Variants in RBFOX1 observed in about 807,000 individuals in gnomAD.
RBFOX1 encodes RNA binding protein fox-1 homolog 1.
Under a neutral mutation model 57.7 loss-of-function variants are expected in RBFOX1, and 8 were observed. The observed-to-expected ratio is 0.14, with a 90% CI of 0.08 to 0.25. The LOEUF (loss-of-function observed/expected upper bound fraction) is 0.25. RBFOX1 is among the 10% of genes least tolerant of loss of function. RBFOX1 has a pLI of 1.00. For missense variants in RBFOX1, 611 were observed against 548.5 expected, an observed-to-expected ratio of 1.11 and a Z score of -1.14; for synonymous variants, 326 against 222.4, an observed-to-expected ratio of 1.47 and a Z score of -4.15.
intron 2 of RBFOX1, among the ~76,000 whole-genome samples, chr16:6,495,896 T>A (rs945770007): frequency 6.6e-6 from 1 of 152,230 alleles, no homozygotes; most frequent in Non-Finnish European, 1.5e-5. Flanking sequence ...AACAGAATAT[T>A]GTTTGGCTGC....
At chr16:6,936,486 G>C (rs1260672101) in intron 3 of RBFOX1, among the ~76,000 whole-genome samples, 1 of 152,088 alleles carries the variant, frequency 6.6e-6, no homozygotes, top group Non-Finnish European at 1.5e-5. Flanking sequence ...ATCCAACATT[G>C]AGTAATTGAC....
chr16:7,484,525 C>T (rs113554254), intron 4 of RBFOX1, among the ~76,000 whole-genome samples: 18 of 152,312 alleles, frequency 1.2e-4, no homozygotes, highest in Admixed American at 5.2e-4. Context: ...TGCACTGGCA[C>T]GATCTCAGCT....
At chr16:7,091,589 A>C (rs540641907) in intron 4 of RBFOX1, among the ~76,000 whole-genome samples, 1 of 151,922 alleles carries the variant, frequency 6.6e-6, no homozygotes, top group African/African-American at 2.4e-5. Context: ...AGAGTCCTCT[A>C]CCTCCCAGAG....
At chr16:6,310,135 C>T (rs1454195720) in intron 1 of RBFOX1, among the ~76,000 whole-genome samples, 4 of 152,190 alleles carry the variant, frequency 2.6e-5, no homozygotes, top group African/African-American at 9.7e-5. Context: ...ATCCGCCCAC[C>T]TCGGCCTACG....
intron 1 of RBFOX1, among the ~76,000 whole-genome samples, chr16:5,265,268 C>T (rs2151108267): frequency 6.6e-6 from 1 of 152,290 alleles, no homozygotes; most frequent in African/African-American, 2.4e-5. Context: ...TTCCACATTC[C>T]ATGGACTCTT....
At chr16:6,679,039 T>C (rs2058210812) in intron 3 of RBFOX1, among the ~76,000 whole-genome samples, 1 of 152,144 alleles carries the variant, frequency 6.6e-6, no homozygotes, top group African/African-American at 2.4e-5. Flanking sequence ...GTGTTGCTAT[T>C]ATATCTCTAA....
At chr16:6,857,747 A>C (rs1481901944) in intron 3 of RBFOX1, among the ~76,000 whole-genome samples, 3 of 152,016 alleles carry the variant, frequency 2.0e-5, no homozygotes, top group African/African-American at 7.2e-5. Flanking sequence ...AGGCAGGGAG[A>C]GCAGTGGAAT....
intron 2 of RBFOX1, among the ~76,000 whole-genome samples, chr16:6,409,414 C>T (rs2093386893): frequency 6.6e-6 from 1 of 152,054 alleles, no homozygotes; most frequent in Non-Finnish European, 1.5e-5. Context: ...AACCCGGTCT[C>T]AAAACAAAAC....
chr16:5,334,981 C>T (rs1292373532), intron 1 of RBFOX1, among the ~76,000 whole-genome samples: 1 of 152,074 alleles, frequency 6.6e-6, no homozygotes, highest in Non-Finnish European at 1.5e-5. Context: ...TTCAAGTAGA[C>T]TTGTTTTTCT....
At chr16:6,377,119 T>A (rs191116264) in intron 2 of RBFOX1, among the ~76,000 whole-genome samples, 13 of 151,274 alleles carry the variant, frequency 8.6e-5, no homozygotes, top group Admixed American at 6.6e-4. Context: ...CAAAAAAAAA[T>A]TAAAAATTAG....
intron 4 of RBFOX1, among the ~76,000 whole-genome samples, chr16:7,495,183 G>GTA (rs1237618165): frequency 6.6e-6 from 1 of 152,160 alleles, no homozygotes; most frequent in Non-Finnish European, 1.5e-5. Context: ...ATTCCATGGT[G>GTA]TAGATATACC....
At chr16:7,126,852 CA>C (rs1274015345) in intron 4 of RBFOX1, among the ~76,000 whole-genome samples, 1 of 151,432 alleles carries the variant, frequency 6.6e-6, no homozygotes, top group Non-Finnish European at 1.5e-5. Context: ...ACTAAACATA[CA>C]AAAAAATGAG....
rs968462637 is a variant in RBFOX1, at chr16:7,496,639, C to G, written c.28-21508C>G. Among the ~76,000 whole-genome samples, 5 of 151,118 alleles carry G rather than the reference C, an allele frequency of 3.3e-5. No homozygotes were observed. In the Admixed American group the frequency reaches 3.3e-4, roughly 10 times the overall value. On this transcript the variant is annotated intron_variant, in intron 4 of 15. Transcript: ENST00000550418. ...CCACATTCAGTGGTCATAGCAAGGCCTCAGTTTACTTGAATGTATTTACAT... is the reference window on the plus strand; with the variant it reads ...CCACATTCAGTGGTCATAGCAAGGCGTCAGTTTACTTGAATGTATTTACAT...
At chr16:6,162,658 G>A (rs1376111945) in intron 1 of RBFOX1, among the ~76,000 whole-genome samples, 1 of 152,160 alleles carries the variant, frequency 6.6e-6, no homozygotes, top group Non-Finnish European at 1.5e-5. Flanking sequence ...CCCAAAGAAA[G>A]TTCATAATGT....
At chr16:6,034,000 G>A (rs534384358) in intron 1 of RBFOX1, among the ~76,000 whole-genome samples, 1 of 152,214 alleles carries the variant, frequency 6.6e-6, no homozygotes, top group South Asian at 2.1e-4. Flanking sequence ...GTCTAGTTCT[G>A]CTGCTATAAC....
At chr16:6,009,063 C>T (rs2094944221) in intron 4 of RBFOX1, among the ~76,000 whole-genome samples, 1 of 151,550 alleles carries the variant, frequency 6.6e-6, no homozygotes, top group African/African-American at 2.4e-5. Context: ...CAAGAAAATT[C>T]TACGTGCTAT....
At position 7,003,310 on chromosome 16, in the gene RBFOX1, A is replaced by G. The variant is rs888110766; in HGVS notation, c.-15-48747A>G. Among the ~76,000 whole-genome samples, 8 of 152,202 alleles carry G rather than the reference A, an allele frequency of 5.3e-5. 2 individuals carry two copies. On this transcript the variant is annotated intron_variant, in intron 3 of 15. Transcript: ENST00000550418. ...CCCCGTCTCTACTAAAAGTGCAAAAATTAGCTGGGCGTGATGGTGAGCACT... is the reference window on the plus strand; with the variant it reads ...CCCCGTCTCTACTAAAAGTGCAAAAGTTAGCTGGGCGTGATGGTGAGCACT...
At chr16:6,967,089 T>G (rs2084421269) in intron 3 of RBFOX1, among the ~76,000 whole-genome samples, 1 of 152,198 alleles carries the variant, frequency 6.6e-6, no homozygotes, top group Non-Finnish European at 1.5e-5. Context: ...CCACCCATCA[T>G]TCTATTTGTC....
intron 3 of RBFOX1, among the ~76,000 whole-genome samples, chr16:6,838,105 C>T (rs990333021): frequency 6.6e-6 from 1 of 151,868 alleles, no homozygotes; most frequent in Admixed American, 6.6e-5. Flanking sequence ...TGGTTTGCTG[C>T]ACCTATCAAC....
Sources: gnomAD v4.1 joint callset for allele counts (sites outside exome capture counted in the v4.1 genomes callset) on GRCh38, gnomAD v4.1.1 for gene constraint, MANE v1.5 for transcripts, NCBI Gene and HGNC (gene_info 2026-07-23, HGNC 2026-07-21) for gene names.